ARHGEF37: variants seen among roughly 807,000 people sequenced by gnomAD.
ARHGEF37 encodes Rho guanine nucleotide exchange factor 37.
A neutral mutation model predicts 71.1 loss-of-function variants in ARHGEF37; 55 were observed. The observed-to-expected ratio is 0.77, with a 90% CI of 0.62 to 0.97. ARHGEF37 has a LOEUF of 0.97. Among genes scored for constraint, ARHGEF37 ranks in the 50% least tolerant of loss-of-function variants. The pLI, the probability that ARHGEF37 is intolerant of heterozygous loss-of-function variation, is 0.00. For missense variants in ARHGEF37, 765 were observed against 836.8 expected, an observed-to-expected ratio of 0.91 and a Z score of 1.06; for synonymous variants, 327 against 350.6, an observed-to-expected ratio of 0.93 and a Z score of 0.75.
intron 1 of ARHGEF37, among the ~76,000 whole-genome samples, chr5:149,569,358 G>C (rs1352109086): frequency 6.6e-6 from 1 of 151,730 alleles, no homozygotes; most frequent in Non-Finnish European, 1.5e-5. Context: ...TTACTCTGTT[G>C]ACCCAGGCTG....
chr5:149,580,603 G>A (rs1763088063), upstream of ARHGEF37, among the ~76,000 whole-genome samples: 1 of 152,056 alleles, frequency 6.6e-6, no homozygotes, highest in South Asian at 2.1e-4. Flanking sequence ...TGAAAATGAG[G>A]ATAATAATAA....
chr5:149,612,225 T>G lies in ARHGEF37; in HGVS notation c.458+2530T>G, dbSNP rs374465713. 4.6e-5 allele frequency among the ~76,000 whole-genome samples: 7 copies of G among 152,328 alleles called. No individual in the cohort carries two copies. The East Asian group carries it at 9.7e-4, about 21-fold the overall frequency. On this transcript the variant is annotated intron_variant, in intron 4 of 12. Transcript: ENST00000333677. The stretch of plus-strand genomic sequence containing the variant: ...CTCTGTCGCCCAGGCTGGAGTGCAG[T>G]GGCGCGATCTCGGCCCACTGCAACC...
rs201024117 is a variant in ARHGEF37, at chr5:149,620,837, G to A, written c.1005+373G>A. Among the ~76,000 whole-genome samples, 200 of 91,954 alleles carry A rather than the reference G, an allele frequency of 2.2e-3. 3 individuals carry two copies. Among genetic ancestry groups the A allele is most frequent in the Non-Finnish European group, 2.7e-3 (114 of 42,106 alleles). 60.3% of individuals were successfully genotyped at this position (91,954 alleles called of 152,430 possible). A position where few individuals can be genotyped will look rare whatever the true frequency, so the allele number is the denominator to read the frequency against. On this transcript the variant is annotated intron_variant, in intron 8 of 12. Transcript: ENST00000333677. ...AGAGTGAGACTCCTTCTCAAAAAAA[G>A]AAGTCAGGCACTTTACACAATTGCC...
chr5:149,577,362 T>G (rs1394806932), upstream of ARHGEF37, among the ~76,000 whole-genome samples: 2 of 152,174 alleles, frequency 1.3e-5, no homozygotes, highest in Non-Finnish European at 2.9e-5. Flanking sequence ...AGACTGAGAC[T>G]CTAAAAGAGG....
chr5:149,606,245 G>A (rs1763909871), intron 3 of ARHGEF37, among the ~76,000 whole-genome samples: 1 of 152,184 alleles, frequency 6.6e-6, no homozygotes, highest in Non-Finnish European at 1.5e-5. Context: ...GCAGTTGGCT[G>A]ATCTCTCTCT....
Position 149,582,939 on chromosome 5 carries a change from C to G in ARHGEF37, c.-12+1315C>G, listed in dbSNP as rs373105160. ...TAAACATGAAAAAATAAAGTCAGCC[C>G]TATTATGACTTACAGACCACACCAC... On this transcript the variant is annotated intron_variant, in intron 1 of 12. Transcript: ENST00000333677. Among the ~76,000 whole-genome samples the G allele has an allele frequency of 2.4e-4, 37 of 152,154 alleles. 1 individual carries two copies. The South Asian group carries it at 5.0e-3, about 21-fold the overall frequency.
intron 12 of ARHGEF37, among the ~76,000 whole-genome samples, chr5:149,631,309 T>C (rs1315055888): frequency 2.0e-5 from 3 of 151,976 alleles, no homozygotes; most frequent in African/African-American, 4.8e-5. Flanking sequence ...TAGCTGGGAT[T>C]ACAGGTGTGC....
intron 1 of ARHGEF37, among the ~76,000 whole-genome samples, chr5:149,585,160 C>T (rs749116394): frequency 3.3e-5 from 5 of 152,126 alleles, no homozygotes; most frequent in Admixed American, 2.0e-4. Context: ...AGATGTTGAC[C>T]AGAAGGTAGA....
chr5:149,626,030 C>T (rs1580937173), intron 10 of ARHGEF37, among the ~76,000 whole-genome samples: 1 of 152,226 alleles, frequency 6.6e-6, no homozygotes, highest in African/African-American at 2.4e-5. Context: ...CACAACACCA[C>T]TGTTCTCAAA....
rs1016054841 is a variant in ARHGEF37, at chr5:149,630,260, C to T, written c.1818+1294C>T. On this transcript the variant is annotated intron_variant, in intron 12 of 12. Coordinates refer to ENST00000333677, the MANE Select transcript of ARHGEF37 (RefSeq NM_001001669.3). ...GCTTTGCAGGGATGGAGTCCATGAGCGGGGAAGAAGTTCAGTGGGATGTTG... is the reference window on the plus strand; with the variant it reads ...GCTTTGCAGGGATGGAGTCCATGAGTGGGGAAGAAGTTCAGTGGGATGTTG... Among the ~76,000 whole-genome samples, 10 of 152,006 alleles carry T rather than the reference C, an allele frequency of 6.6e-5. No homozygotes were observed. In the East Asian group the frequency reaches 9.6e-4, roughly 15 times the overall value.
chr5:149,575,781 A>G (rs1337803440), intron 1 of ARHGEF37, among the ~76,000 whole-genome samples: 1 of 146,964 alleles, frequency 6.8e-6, no homozygotes, highest in Admixed American at 7.1e-5. Flanking sequence ...TCCCGGGTTC[A>G]AGCAGTTCTC....
At chr5:149,570,241 C>G (rs895735064) in intron 1 of ARHGEF37, among the ~76,000 whole-genome samples, 6 of 152,090 alleles carry the variant, frequency 3.9e-5, no homozygotes, top group Admixed American at 3.9e-4. Flanking sequence ...TTATATGTCT[C>G]TATACTAGCA....
rs1307494172 is a variant in ARHGEF37 at position 149,633,543 on chromosome 5, G to C, written c.*1352G>C. The C allele has an allele frequency of 6.6e-6, 1 of 152,238 alleles. No individual in the cohort carries two copies. The highest frequency in any genetic ancestry group is 2.4e-5 in the African/African-American group (1 of 41,472). The allele number at this position is 152,238 out of a possible 1,614,324, so 9.4% of individuals were successfully genotyped here. ...CTGGGGCAATGTTGGGTGCAGTGCA[G>C]TCCCTGCTTGGGGTGGTCATGTCTA... On this transcript the variant is annotated 3_prime_UTR_variant, in exon 13 of 13. Coordinates refer to ENST00000333677, the MANE Select transcript of ARHGEF37 (RefSeq NM_001001669.3).
chr5:149,558,723 GTGTGTGTGTGTGTGTATA>G lies in ARHGEF37; in HGVS notation c.-12+6602_-12+6619del, dbSNP rs200751324. ...TGTGTGTGTGTGTGTGTGTGTGTGT[GTGTGTGTGTGTGTGTATA>G]TATATTTTTATATGTATAAAATATT... On this transcript the variant is annotated intron_variant, in intron 1 of 2. Transcript: ENST00000505810. 4.5e-3 allele frequency among the ~76,000 whole-genome samples: 621 copies of G among 137,172 alleles called. 21 individuals carry two copies. The East Asian group carries it at 0.083, about 18-fold the overall frequency. The allele number at this position is 137,172 out of a possible 152,430, so 90.0% of individuals were successfully genotyped here. A position where few individuals can be genotyped will look rare whatever the true frequency, so the allele number is the denominator to read the frequency against.
rs199543277 is a variant in ARHGEF37 at position 149,597,930 on chromosome 5, C to T, written c.161C>T (p.Ser54Phe). The T allele has an allele frequency of 6.3e-7, 1 of 1,599,694 alleles. No individual in the cohort carries two copies. The highest frequency in any genetic ancestry group is 1.7e-5 in the Admixed American group (1 of 57,638). Residue 54 changes from serine (S) to phenylalanine (F), a missense_variant, in exon 2 of 13, where the codon TCT becomes TTT. Ser to Phe is a radical substitution (Grantham distance 155). This residue lies in a region of ARHGEF37 where 201 missense variants were observed against 217.5 expected (regional missense o/e 0.92). Transcript: ENST00000333677. The part of the protein sequence containing the change: ...SYLHMLQLCA[S>F]DIRSRLQQLP... ...TTGCACATGCTCCAGCTCTGTGCCTCTGACATCAGGAGCCGCCTCCAGCAG... is the reference window on the plus strand; with the variant it reads ...TTGCACATGCTCCAGCTCTGTGCCTTTGACATCAGGAGCCGCCTCCAGCAG...
intron 1 of ARHGEF37, among the ~76,000 whole-genome samples, chr5:149,572,259 T>C (rs748737107): frequency 2.0e-5 from 3 of 152,202 alleles, no homozygotes; most frequent in Admixed American, 6.5e-5. Flanking sequence ...GAAGAGAATA[T>C]ATAGTTTGTT....
At chr5:149,603,193 A>G (rs1480984319) in intron 3 of ARHGEF37, among the ~76,000 whole-genome samples, 1 of 152,180 alleles carries the variant, frequency 6.6e-6, no homozygotes, top group East Asian at 1.9e-4. Flanking sequence ...TCAGCCTCCC[A>G]AAGTGCTGGG....
At chr5:149,565,050 C>T (rs1220830985) in intron 1 of ARHGEF37, among the ~76,000 whole-genome samples, 1 of 152,174 alleles carries the variant, frequency 6.6e-6, no homozygotes, top group Non-Finnish European at 1.5e-5. Context: ...CAGCAAGGAG[C>T]TACAGTCAAG....
At chr5:149,594,611 G>T (rs966670147) in intron 1 of ARHGEF37, among the ~76,000 whole-genome samples, 2 of 152,150 alleles carry the variant, frequency 1.3e-5, no homozygotes, top group Non-Finnish European at 2.9e-5. Flanking sequence ...TTAATCATGG[G>T]CATGGTGAGG....
Sources: allele counts gnomAD v4.1 joint callset (sites outside exome capture counted in the v4.1 genomes callset), GRCh38; gene constraint gnomAD v4.1.1; regional missense constraint gnomAD v4.1.1; transcripts MANE v1.5; gene names NCBI Gene and HGNC (gene_info 2026-07-23, HGNC 2026-07-21).